The following IL1B variants were observed in gnomAD, a reference collection of about 807,000 sequenced individuals.
IL1B encodes the protein interleukin-1 beta.
A neutral mutation model predicts 26.2 loss-of-function variants in IL1B; 11 were observed. The ratio of observed to expected loss-of-function variants is 0.42; its 90% CI spans 0.26 to 0.70. The LOEUF is 0.70. Among genes scored for constraint, IL1B ranks in the 30% least tolerant of loss-of-function variants. The pLI is 0.25. For synonymous variants in IL1B, 118 were observed against 120.8 expected, an observed-to-expected ratio of 0.98 and a Z score of 0.15; for missense variants, 255 against 327.5, an observed-to-expected ratio of 0.78 and a Z score of 1.71.
Position 112,830,624 on chromosome 2 carries a change from T to C in IL1B, c.598-51A>G, listed in dbSNP as rs1143644. On this transcript the variant is annotated intron_variant, in intron 6 of 6. Transcript: ENST00000263341. The stretch of plus-strand genomic sequence containing the variant: ...TTTGTGGGGCAAGGGACAAAGATGC[T>C]ATGGGAAAGATGTTCTTTGGGTTGG... 2,330 of 1,284,990 alleles carry C rather than the reference T, an allele frequency of 1.8e-3. 42 individuals carry two copies. In the African/African-American group the frequency reaches 0.031, roughly 17 times the overall value. The allele number at this position is 1,284,990 out of a possible 1,614,324, so 79.6% of individuals were successfully genotyped here.
Position 112,829,997 on chromosome 2 carries a change from A to C in IL1B, c.*364T>G. 1 of 225,420 alleles carries C rather than the reference A, an allele frequency of 4.4e-6. No homozygotes were observed. Among genetic ancestry groups the C allele is most frequent in the Non-Finnish European group, 8.9e-6 (1 of 112,040 alleles). The allele number at this position is 225,420 out of a possible 1,614,324, so 14.0% of individuals were successfully genotyped here. A position where few individuals can be genotyped will look rare whatever the true frequency, so the allele number is the denominator to read the frequency against. On this transcript the variant is annotated 3_prime_UTR_variant, in exon 7 of 7. Coordinates refer to ENST00000263341, the MANE Select transcript of IL1B (RefSeq NM_000576.3). ...ATTAGACCAATGAATAAAACAAACA[A>C]ACAAATAAATAAATAAATAGGGAAG...
intron 4 of IL1B, 179 bp from the exon 5 acceptor site, chr2:112,833,005 T>G: frequency 1.5e-6 from 1 of 674,772 alleles, no homozygotes; most frequent in Admixed American, 2.2e-5. Flanking sequence ...CCTGACACTA[T>G]TAGACATGGG....
chr2:112,830,679 T>C, intron 6 of IL1B, 106 bp from the exon 7 acceptor site: 1 of 799,642 alleles, frequency 1.3e-6, no homozygotes, highest in Non-Finnish European at 2.2e-6. Context: ...GCAGGTCACA[T>C]GATCAGGAGC....
At chr2:112,835,746 C>G (rs765031425) in intron 2 of IL1B, 129 bp from the exon 3 acceptor site, 1 of 812,764 alleles carries the variant, frequency 1.2e-6, no homozygotes, top group Non-Finnish European at 2.1e-6. Context: ...GCCTGAAACA[C>G]CTGGCAAGTT....
Position 112,832,740 on chromosome 2 carries a change from G to C in IL1B, c.388C>G (p.Gln130Glu). The stretch of plus-strand genomic sequence containing the variant: ...CCAGACATCACCAAGCTTTTTTGCT[G>C]TGAGTCCCGGAGCGTGCAGTTCAGT... ...RSLNCTLRDS[Q>E]QKSLVMSGPY... The change falls in exon 5 of 7, where the codon CAG (glutamine) becomes GAG (glutamate). Residue 130 changes from glutamine to glutamate, a missense_variant. By Grantham distance (29) the Gln-to-Glu change is conservative. Transcript: ENST00000263341. 6.2e-7 allele frequency: 1 copy of C among 1,614,154 alleles called. No individual in the cohort carries two copies. The highest frequency in any genetic ancestry group is 8.5e-7 in the Non-Finnish European group (1 of 1,180,012).
intron 3 of IL1B, among the ~76,000 whole-genome samples, chr2:112,834,023 A>C (rs990354592): frequency 6.6e-6 from 1 of 152,008 alleles, no homozygotes; most frequent in Non-Finnish European, 1.5e-5. Context: ...ACAAAACAAA[A>C]TAAAATAAAA....
intron 3 of IL1B, 90 bp from the exon 4 acceptor site, chr2:112,833,665 G>T: frequency 1.7e-6 from 2 of 1,173,058 alleles, no homozygotes; most frequent in Non-Finnish European, 1.3e-6. Flanking sequence ...CAGAGAGGAG[G>T]AAAGGGCTTG....
intron 4 of IL1B, 93 bp downstream of exon 4, chr2:112,833,281 G>A: frequency 8.1e-7 from 1 of 1,236,306 alleles, no homozygotes; most frequent in Non-Finnish European, 1.2e-6. Context: ...TACCTTTAAA[G>A]GGCTTTGGCT....
At chr2:112,836,148 C>T in intron 2 of IL1B, 35 bp downstream of exon 2, 1 of 1,604,294 alleles carries the variant, frequency 6.2e-7, no homozygotes, top group Non-Finnish European at 8.5e-7. Flanking sequence ...AAGAGGAGAC[C>T]TGCTCATGTT....
At position 112,830,384 on chromosome 2, in the gene IL1B, T is replaced by G; in HGVS notation, c.787A>C (p.Thr263Pro). ...TKGGQDITDF[T>P]MQFVSS ...CTTTAGGAAGACACAAATTGCATGG[T>G]GAAGTCAGTTATATCCTGGCCGCCT... The change falls in exon 7 of 7, where the codon ACC (threonine) becomes CCC (proline). Residue 263 changes from threonine to proline, a missense_variant. Transcript: ENST00000263341. 1 of 1,614,110 alleles carries G rather than the reference T, an allele frequency of 6.2e-7. No individual in the cohort carries two copies. Among genetic ancestry groups the G allele is most frequent in the Non-Finnish European group, 8.5e-7 (1 of 1,179,996 alleles).
chr2:112,835,292 G>A lies in IL1B; in HGVS notation c.99+274C>T. 3 of 524,222 alleles carry A rather than the reference G, an allele frequency of 5.7e-6. 1 individual carries two copies. Among genetic ancestry groups the A allele is most frequent in the South Asian group, 4.1e-5 (2 of 48,696 alleles). 32.5% of individuals were successfully genotyped at this position (524,222 alleles called of 1,614,324 possible). A position where few individuals can be genotyped will look rare whatever the true frequency, so the allele number is the denominator to read the frequency against. Reference sequence around the variant, plus strand: ...TAATCAAATTTATGTTGAAGACTTGGTTGTCTTCCTACTATGAAATGGGAA... The same window carrying A: ...TAATCAAATTTATGTTGAAGACTTGATTGTCTTCCTACTATGAAATGGGAA... On this transcript the variant is annotated intron_variant, in intron 3 of 6. Coordinates refer to ENST00000263341, the MANE Select transcript of IL1B (RefSeq NM_000576.3).
chr2:112,830,274 C>A lies in IL1B; in HGVS notation c.*87G>T. 9.0e-7 allele frequency: 1 copy of A among 1,116,832 alleles called. No homozygotes were observed. Among genetic ancestry groups the A allele is most frequent in the Non-Finnish European group, 1.4e-6 (1 of 728,674 alleles). The allele number at this position is 1,116,832 out of a possible 1,614,324, so 69.2% of individuals were successfully genotyped here. A position where few individuals can be genotyped will look rare whatever the true frequency, so the allele number is the denominator to read the frequency against. ...ACAACAGGAAAGTCCAGGCTATAGC[C>A]GTACTCAAAAACCTTTCTGTTCCCT... On this transcript the variant is annotated 3_prime_UTR_variant, in exon 7 of 7. Coordinates refer to ENST00000263341, the MANE Select transcript of IL1B (RefSeq NM_000576.3).
chr2:112,835,058 G>C (rs973360717), intron 3 of IL1B: 1 of 182,746 alleles, frequency 5.5e-6, no homozygotes, highest in Admixed American at 5.4e-5. Context: ...ACTTGTCAAG[G>C]TCAAACAGCA....
At chr2:112,835,956 T>C (rs1294867467) in intron 2 of IL1B, among the ~76,000 whole-genome samples, 1 of 152,198 alleles carries the variant, frequency 6.6e-6, no homozygotes, top group Middle Eastern at 3.2e-3. Flanking sequence ...TTCTCCCCAT[T>C]TGCCTCTGCA....
chr2:112,835,552 A>G lies in IL1B; in HGVS notation c.99+14T>C. The G allele has an allele frequency of 6.2e-7, 1 of 1,609,544 alleles. No individual in the cohort carries two copies. The highest frequency in any genetic ancestry group is 8.5e-7 in the Non-Finnish European group (1 of 1,175,796). ...AGCCCTTCCTTGGGTTGGGAGTTAA[A>G]CCCATAGTCTTACCTTCATCTGTTT... On this transcript the variant is annotated intron_variant, in intron 3 of 6. Coordinates refer to ENST00000263341, the MANE Select transcript of IL1B (RefSeq NM_000576.3).
At chr2:112,833,664 G>A (rs1682033685) in intron 3 of IL1B, 89 bp from the exon 4 acceptor site, 1 of 1,240,622 alleles carries the variant, frequency 8.1e-7, no homozygotes. Context: ...TCAGAGAGGA[G>A]GAAAGGGCTT....
chr2:112,835,467 C>G, intron 3 of IL1B, 99 bp downstream of exon 3: 1 of 981,526 alleles, frequency 1.0e-6, no homozygotes, highest in Non-Finnish European at 1.6e-6. Flanking sequence ...CTTTCTAAAA[C>G]AAAATACCAT....
At chr2:112,833,341 G>A in intron 4 of IL1B, 33 bp downstream of exon 4, 6 of 1,595,754 alleles carry the variant, frequency 3.8e-6, no homozygotes, top group Non-Finnish European at 4.3e-6. Flanking sequence ...GAGGACACAA[G>A]TGGAGATCTA....
At chr2:112,830,693 A>G in intron 6 of IL1B, 120 bp from the exon 7 acceptor site, 1 of 728,410 alleles carries the variant, frequency 1.4e-6, no homozygotes, top group Non-Finnish European at 2.4e-6. Flanking sequence ...CAGGAGCCAG[A>G]CTCCTGAGTT....
Sources: gnomAD v4.1 joint callset for allele counts (sites outside exome capture counted in the v4.1 genomes callset) on GRCh38, gnomAD v4.1.1 for gene constraint, MANE v1.5 for transcripts, NCBI Gene and HGNC (gene_info 2026-07-23, HGNC 2026-07-21) for gene names.